PTPRE: variants seen among roughly 807,000 people sequenced by gnomAD.
PTPRE encodes the protein receptor-type tyrosine-protein phosphatase epsilon.
Under a neutral mutation model 102.0 loss-of-function variants are expected in PTPRE, and 51 were observed. The observed-to-expected ratio is 0.50, with a 90% CI of 0.40 to 0.63. PTPRE has a LOEUF of 0.63. Among genes scored for constraint, PTPRE ranks in the 30% least tolerant of loss-of-function variants. The pLI is 0.00. For missense variants in PTPRE, 752 were observed against 915.1 expected, an observed-to-expected ratio of 0.82 and a Z score of 2.30; for synonymous variants, 345 against 348.2, an observed-to-expected ratio of 0.99 and a Z score of 0.10.
intron 2 of PTPRE, 138 bp from the exon 3 acceptor site, chr10:128,040,737 A>C: frequency 1.6e-6 from 1 of 643,658 alleles, no homozygotes. Flanking sequence ...ATGATCCGTG[A>C]AAGTGACAGG....
chr10:128,015,512 A>G lies in PTPRE; in HGVS notation c.-7-25363A>G, dbSNP rs561222681. Among the ~76,000 whole-genome samples the G allele has an allele frequency of 4.5e-4, 68 of 151,982 alleles. No individual in the cohort carries two copies. The South Asian group carries it at 0.013, about 28-fold the overall frequency. ...CTCCTGAGTAGCTGGGACTACAGGC[A>G]CCCGCCACCACACCTAGCTAATTTT... On this transcript the variant is annotated intron_variant, in intron 2 of 20. Coordinates refer to ENST00000254667, the MANE Select transcript of PTPRE (RefSeq NM_006504.6).
intron 1 of PTPRE, among the ~76,000 whole-genome samples, chr10:127,957,310 A>C (rs1480363181): frequency 6.6e-6 from 1 of 152,146 alleles, no homozygotes; most frequent in Admixed American, 6.5e-5. Context: ...TTGTCCCAGC[A>C]CCGTATGTTG....
At chr10:128,059,675 C>T (rs950589971) in intron 7 of PTPRE, among the ~76,000 whole-genome samples, 3 of 152,174 alleles carry the variant, frequency 2.0e-5, no homozygotes, top group Admixed American at 1.3e-4. Context: ...CTGGCCGAGC[C>T]GGACGTTCCT....
Position 127,907,533 on chromosome 10 carries a change from C to T in PTPRE, c.-31+224C>T, listed in dbSNP as rs1334933022. Among the ~76,000 whole-genome samples, 1 of 151,938 alleles carries T rather than the reference C, an allele frequency of 6.6e-6. No individual in the cohort carries two copies. The highest frequency in any genetic ancestry group is 2.4e-5 in the African/African-American group (1 of 41,396). On this transcript the variant is annotated intron_variant, in intron 1 of 20. Coordinates refer to ENST00000254667, the MANE Select transcript of PTPRE (RefSeq NM_006504.6). The surrounding 1 kb of genome is among the most constrained non-coding windows in gnomAD (Gnocchi z 4.8). Reference sequence around the variant, plus strand: ...CCGGCCTGTGGCGCGTCCCCTCACCCGGAGTCCCCAGCCCAACTTGGCGAC... The same window carrying T: ...CCGGCCTGTGGCGCGTCCCCTCACCTGGAGTCCCCAGCCCAACTTGGCGAC...
rs149978033 is a variant in PTPRE at position 127,925,121 on chromosome 10, C to G, written c.-31+17812C>G. On this transcript the variant is annotated intron_variant, in intron 1 of 20. Coordinates refer to ENST00000254667, the MANE Select transcript of PTPRE (RefSeq NM_006504.6). ...TGGCTTGGGCTGGAAGATCCACTTC[C>G]ATGGCTGGAGGATGTTGGCCATGGA... Among the ~76,000 whole-genome samples, 66 of 152,346 alleles carry G rather than the reference C, an allele frequency of 4.3e-4. 1 individual carries two copies. Among genetic ancestry groups the G allele is most frequent in the African/African-American group, 1.5e-3 (63 of 41,588 alleles).
intron 1 of PTPRE, among the ~76,000 whole-genome samples, chr10:127,953,947 GA>G (rs535263461): frequency 4.3e-4 from 65 of 152,352 alleles, no homozygotes; most frequent in African/African-American, 1.5e-3. Context: ...CAGGGACTTG[GA>G]AGGAACATGA....
At chr10:128,057,531 G>A (rs12249657) in intron 7 of PTPRE, among the ~76,000 whole-genome samples, 27,559 of 152,142 alleles carry the variant, frequency 0.18, 2,951 homozygotes, top group African/African-American at 0.29. Flanking sequence ...AGCAGCTATG[G>A]TCTGTCCGAT....
chr10:128,018,166 C>A (rs72847338), intron 2 of PTPRE, among the ~76,000 whole-genome samples: 8,781 of 150,426 alleles, frequency 0.058, 379 homozygotes, highest in Middle Eastern at 0.12. Context: ...GGGCTGGGGG[C>A]GTGGGAGGTA....
intron 1 of PTPRE, among the ~76,000 whole-genome samples, chr10:127,921,398 G>A (rs562243600): frequency 6.6e-6 from 1 of 152,316 alleles, no homozygotes; most frequent in African/African-American, 2.4e-5. Flanking sequence ...TGGAAGCAGG[G>A]GCCACACGGC....
intron 7 of PTPRE, among the ~76,000 whole-genome samples, chr10:128,059,426 G>A (rs1441398149): frequency 1.3e-5 from 2 of 152,190 alleles, no homozygotes; most frequent in Non-Finnish European, 2.9e-5. Context: ...CCACCTGGCA[G>A]CCTTCCAGGT....
At chr10:128,041,097 T>A in intron 3 of PTPRE, 107 bp downstream of exon 3, 3 of 939,296 alleles carry the variant, frequency 3.2e-6, no homozygotes, top group Non-Finnish European at 5.0e-6. Flanking sequence ...ATGGTGTGGC[T>A]GAATTTCTTA....
chr10:127,912,703 T>C lies in PTPRE; in HGVS notation c.-31+5394T>C, dbSNP rs115076328. Among the ~76,000 whole-genome samples the C allele has an allele frequency of 5.8e-3, 886 of 152,308 alleles. 8 individuals are homozygous for C. Among genetic ancestry groups the C allele is most frequent in the African/African-American group, 0.02 (811 of 41,568 alleles). On this transcript the variant is annotated intron_variant, in intron 1 of 20. Coordinates refer to ENST00000254667, the MANE Select transcript of PTPRE (RefSeq NM_006504.6). ...AATGGAAGGGCTAGCATGGGAACAATAGCATTTGGTGTGAGCGCCCTGGGC... is the reference window on the plus strand; with the variant it reads ...AATGGAAGGGCTAGCATGGGAACAACAGCATTTGGTGTGAGCGCCCTGGGC...
intron 1 of PTPRE, among the ~76,000 whole-genome samples, chr10:127,963,557 T>A (rs1273173365): frequency 6.6e-6 from 1 of 152,196 alleles, no homozygotes; most frequent in Non-Finnish European, 1.5e-5. Context: ...TTACAGTGTG[T>A]ATAGGCAGAG....
intron 1 of PTPRE, among the ~76,000 whole-genome samples, chr10:127,943,682 T>G (rs1450427431): frequency 7.2e-5 from 11 of 152,236 alleles, no homozygotes; most frequent in African/African-American, 2.7e-4. Flanking sequence ...CTCAGGCAGA[T>G]GGTATTGGAG....
At chr10:128,018,342 C>G (rs967887381) in intron 2 of PTPRE, among the ~76,000 whole-genome samples, 1 of 152,194 alleles carries the variant, frequency 6.6e-6, no homozygotes, top group Non-Finnish European at 1.5e-5. Flanking sequence ...GGCACCAGAC[C>G]CCCAGGGGCT....
chr10:128,047,515 T>C (rs1321990290), intron 4 of PTPRE, 26 bp downstream of exon 4: 5 of 1,612,946 alleles, frequency 3.1e-6, no homozygotes, highest in Non-Finnish European at 4.2e-6. Flanking sequence ...GGCACTGACT[T>C]GCCCCAACCA....
At chr10:128,013,780 T>G (rs1216204471) in intron 2 of PTPRE, among the ~76,000 whole-genome samples, 3 of 152,210 alleles carry the variant, frequency 2.0e-5, no homozygotes, top group Non-Finnish European at 4.4e-5. Context: ...CATCCTGGAC[T>G]TCTCAGCTTT....
chr10:128,033,790 G>C (rs367768775), intron 2 of PTPRE, among the ~76,000 whole-genome samples: 2 of 152,140 alleles, frequency 1.3e-5, no homozygotes, highest in African/African-American at 4.8e-5. Flanking sequence ...GATTACAGGC[G>C]TGCACCACAT....
chr10:128,048,342 A>G (rs1233329546), intron 5 of PTPRE, among the ~76,000 whole-genome samples: 1 of 152,194 alleles, frequency 6.6e-6, no homozygotes, highest in African/African-American at 2.4e-5. Flanking sequence ...ACAAAGGAAC[A>G]TTGTTTTTCT....
Sources: allele counts gnomAD v4.1 joint callset (sites outside exome capture counted in the v4.1 genomes callset), GRCh38; gene constraint gnomAD v4.1.1; non-coding constraint Gnocchi (gnomAD v3.1); transcripts MANE v1.5; gene names NCBI Gene and HGNC (gene_info 2026-07-23, HGNC 2026-07-21).